The following BOC variants were observed in gnomAD, a reference collection of about 807,000 sequenced individuals.
The protein encoded by BOC is brother of CDO.
In BOC, 76 loss-of-function variants were observed where a neutral mutation model predicts 112.0. The observed-to-expected ratio is 0.68, with a 90% CI of 0.56 to 0.82. The LOEUF (loss-of-function observed/expected upper bound fraction) is 0.82, where lower values mean the gene tolerates loss of function less well. Among genes scored for constraint, BOC ranks in the 40% least tolerant of loss-of-function variants. The pLI is 0.00. For synonymous variants in BOC, 580 were observed against 599.8 expected, an observed-to-expected ratio of 0.97 and a Z score of 0.48; for missense variants, 1,309 against 1,511.7, an observed-to-expected ratio of 0.87 and a Z score of 2.22.
At chr3:113,285,294 G>A in intron 18 of BOC, 78 bp from the exon 19 acceptor site, 1 of 1,447,138 alleles carries the variant, frequency 6.9e-7, no homozygotes, top group Non-Finnish European at 9.6e-7. Flanking sequence ...CTCAGACAGG[G>A]AGACAGCCAG....
chr3:113,216,929 G>A (rs113195228), intron 2 of BOC, among the ~76,000 whole-genome samples: 100 of 152,256 alleles, frequency 6.6e-4, no homozygotes, highest in African/African-American at 2.2e-3. Context: ...GGGTGGGTAG[G>A]GTTGAAGAAA....
chr3:113,214,499 G>A (rs1938945091), intron 1 of BOC, among the ~76,000 whole-genome samples: 1 of 152,144 alleles, frequency 6.6e-6, no homozygotes, highest in Admixed American at 6.6e-5. Flanking sequence ...AATGAATTAG[G>A]GTTTATCTCT....
chr3:113,261,104 T>A (rs1419077187), intron 4 of BOC, among the ~76,000 whole-genome samples: 2 of 152,162 alleles, frequency 1.3e-5, no homozygotes, highest in Non-Finnish European at 2.9e-5. Context: ...CAGGCCCCAC[T>A]GCCCCGTCTC....
intron 5 of BOC, chr3:113,270,588 A>C (rs1224602160): frequency 3.7e-6 from 2 of 535,178 alleles, no homozygotes; most frequent in Non-Finnish European, 6.5e-6. Context: ...TTGGTTAGTT[A>C]CCTTTTCTCT....
chr3:113,216,512 G>C (rs1939404296), intron 2 of BOC: 1 of 285,492 alleles, frequency 3.5e-6, no homozygotes, highest in Non-Finnish European at 7.1e-6. Flanking sequence ...TGTCAGACAT[G>C]TTAGATACAA....
Position 113,283,404 on chromosome 3 carries a change from A to G in BOC, c.2435-7A>G. ...TATGCTGAAGTGAGTTTTGTCCACA[A>G]TTACAGCTCGGAAGTCTTCTGGCCA... On this transcript the variant is annotated splice_region_variant and splice_polypyrimidine_tract_variant and intron_variant, in intron 15 of 19. Coordinates refer to ENST00000682979, the MANE Select transcript of BOC (RefSeq NM_001378074.1). 1 of 1,586,238 alleles carries G rather than the reference A, an allele frequency of 6.3e-7. No individual in the cohort carries two copies.
At chr3:113,233,927 C>G (rs1943070738) in intron 2 of BOC, among the ~76,000 whole-genome samples, 2 of 151,636 alleles carry the variant, frequency 1.3e-5, no homozygotes, top group African/African-American at 2.4e-5. Flanking sequence ...ATATCAGACA[C>G]TCACGTATCA....
At position 113,268,508 on chromosome 3, in the gene BOC, C is replaced by T. The variant is rs538154297; in HGVS notation, c.523+63C>T. 30 of 1,519,530 alleles carry T rather than the reference C, an allele frequency of 2.0e-5. No individual in the cohort carries two copies. The East Asian group carries it at 2.3e-4, about 12-fold the overall frequency. The allele number at this position is 1,519,530 out of a possible 1,614,324, so 94.1% of individuals were successfully genotyped here. A position where few individuals can be genotyped will look rare whatever the true frequency, so the allele number is the denominator to read the frequency against. ...AGAAGGGAAGCTGGCCTCCTCCAAC[C>T]GCTCGCTGCTCAACAAAGCTAGGGC... On this transcript the variant is annotated intron_variant, in intron 5 of 19. Coordinates refer to ENST00000682979, the MANE Select transcript of BOC (RefSeq NM_001378074.1).
chr3:113,286,431 G>A (rs1429833653), intron 19 of BOC, among the ~76,000 whole-genome samples: 1 of 152,128 alleles, frequency 6.6e-6, no homozygotes, highest in Non-Finnish European at 1.5e-5. Flanking sequence ...CCTGTGGTGT[G>A]GGCTCAGTGC....
chr3:113,272,507 T>G lies in BOC; in HGVS notation c.765T>G (p.Ser255Arg). The G allele has an allele frequency of 6.2e-7, 1 of 1,614,062 alleles. No homozygotes were observed. Among genetic ancestry groups the G allele is most frequent in the Non-Finnish European group, 8.5e-7 (1 of 1,180,010 alleles). Residue 255 changes from serine to arginine, a missense_variant, in exon 7 of 20, where the codon AGT becomes AGG. By Grantham distance (110) the Ser-to-Arg change is moderately radical (BLOSUM62 -1). Transcript: ENST00000682979. ...GQSLILECVA[S>R]GIPPPRVTWA... is the part of the protein sequence containing the mutation. ...GTCTCATTCTGGAGTGTGTGGCCAG[T>G]GGAATCCCACCCCCACGGGTCACCT... is the stretch of plus-strand genomic sequence containing the variant.
intron 4 of BOC, among the ~76,000 whole-genome samples, chr3:113,264,169 C>A (rs1947197341): frequency 6.6e-6 from 1 of 152,140 alleles, no homozygotes; most frequent in Admixed American, 6.5e-5. Context: ...CAGAGATGGC[C>A]CCAAAGACCA....
In BOC at chr3:113,279,410, A is replaced by C; in HGVS notation, c.1978A>C (p.Ile660Leu). 6.2e-7 allele frequency: 1 copy of C among 1,614,162 alleles called. No individual in the cohort carries two copies. Among genetic ancestry groups the C allele is most frequent in the Non-Finnish European group, 8.5e-7 (1 of 1,180,000 alleles). Reference protein sequence around the residue: ...VGDWILATSAIPPSRLSVEIT... With the variant: ...VGDWILATSALPPSRLSVEIT... ...AGACTGGATTCTGGCCACCAGCGCC[A>C]TCCCCCCATCGCGGCTGTCCGTGGA... The change falls in exon 12 of 20, where the codon ATC (isoleucine) becomes CTC (leucine). Residue 660 changes from isoleucine to leucine, a missense_variant. Transcript: ENST00000682979.
intron 2 of BOC, among the ~76,000 whole-genome samples, chr3:113,230,216 A>G (rs1252166949): frequency 1.3e-5 from 2 of 152,246 alleles, no homozygotes; most frequent in South Asian, 2.1e-4. Context: ...GTATTTCAAT[A>G]CTCAGACACT....
At chr3:113,257,518 C>G (rs544220363) in intron 4 of BOC, among the ~76,000 whole-genome samples, 6 of 152,036 alleles carry the variant, frequency 3.9e-5, no homozygotes, top group Non-Finnish European at 7.4e-5. Flanking sequence ...TTCCCCTAGT[C>G]TTGATTTTTA....
intron 4 of BOC, among the ~76,000 whole-genome samples, chr3:113,264,274 AAG>A (rs1373163349): frequency 1.3e-5 from 2 of 152,178 alleles, no homozygotes; most frequent in Admixed American, 6.5e-5. Flanking sequence ...AAAATGCACA[AAG>A]AGAGGATGCA....
At chr3:113,252,048 A>G (rs1945700025) in intron 4 of BOC, 1 of 152,162 alleles carries the variant, frequency 6.6e-6, no homozygotes, top group Non-Finnish European at 1.5e-5. Flanking sequence ...GGCGCAACAC[A>G]TACACTATCT....
chr3:113,235,148 TC>T (rs1303058596), intron 2 of BOC, among the ~76,000 whole-genome samples: 1 of 152,260 alleles, frequency 6.6e-6, no homozygotes. Context: ...TTGGCTACTG[TC>T]CACCCAGGCT....
rs200983119 is a variant in BOC, at chr3:113,279,864, G to T, written c.2064G>T (p.Leu688=). 4.5e-5 allele frequency: 72 copies of T among 1,613,318 alleles called. No individual in the cohort carries two copies. The Admixed American group carries it at 4.8e-4, about 11-fold the overall frequency. ...TTCGAGTCCGGGCTCTGAACATGCTGGGGGAGAGCGAGCCCAGCGCCCCCT... is the reference window on the plus strand; with the variant it reads ...TTCGAGTCCGGGCTCTGAACATGCTTGGGGAGAGCGAGCCCAGCGCCCCCT... ...YKFRVRALNM[L]GESEPSAPSR... Residue 688 remains leucine, a synonymous_variant, in exon 13 of 20, where the codon CTG becomes CTT. Transcript: ENST00000682979.
At chr3:113,256,790 A>G (rs1946273429) in intron 4 of BOC, among the ~76,000 whole-genome samples, 1 of 151,660 alleles carries the variant, frequency 6.6e-6, no homozygotes. Context: ...TGTATAATAT[A>G]TTTAATTTTG....
Sources: allele counts gnomAD v4.1 joint callset (sites outside exome capture counted in the v4.1 genomes callset), GRCh38; gene constraint gnomAD v4.1.1; transcripts MANE v1.5; gene names NCBI Gene and HGNC (gene_info 2026-07-23, HGNC 2026-07-21).